CEMIP2: variants seen among roughly 807,000 people sequenced by gnomAD.
CEMIP2 encodes the protein cell surface hyaluronidase CEMIP2.
A neutral mutation model predicts 146.9 loss-of-function variants in CEMIP2; 79 were observed. That is an observed-to-expected ratio of 0.54 (90% confidence interval 0.45 to 0.65). CEMIP2 has a LOEUF of 0.65. Among genes scored for constraint, CEMIP2 ranks in the 30% least tolerant of loss-of-function variants. The pLI, the probability that CEMIP2 is intolerant of heterozygous loss-of-function variation, is 0.00. For synonymous variants in CEMIP2, 601 were observed against 606.3 expected (o/e 0.99, Z 0.13); for missense variants, 1,596 against 1,696.2 (o/e 0.94, Z 1.04).
intron 15 of CEMIP2, among the ~76,000 whole-genome samples, chr9:71,713,533 TA>T (rs760280601): frequency 1.3e-5 from 2 of 152,218 alleles, no homozygotes; most frequent in Non-Finnish European, 2.9e-5. Context: ...CTGTTTCCAT[TA>T]AATAATGAGA....
chr9:71,728,409 G>A (rs1306445575), intron 10 of CEMIP2, among the ~76,000 whole-genome samples: 1 of 146,296 alleles, frequency 6.8e-6, no homozygotes, highest in East Asian at 2.0e-4. Context: ...TTGAGCCCAG[G>A]AGGCAGAGGG....
intron 22 of CEMIP2, among the ~76,000 whole-genome samples, chr9:71,689,686 T>C (rs1822170241): frequency 6.6e-6 from 1 of 152,106 alleles, no homozygotes; most frequent in South Asian, 2.1e-4. Context: ...GAAAATCACT[T>C]CAAAATAGTA....
intron 17 of CEMIP2, among the ~76,000 whole-genome samples, chr9:71,706,975 C>G (rs1170637633): frequency 1.3e-5 from 2 of 152,036 alleles, no homozygotes; most frequent in African/African-American, 2.4e-5. Flanking sequence ...ATTACACGTG[C>G]CCACCACCAC....
chr9:71,744,745 C>T (rs1305080877), intron 4 of CEMIP2, among the ~76,000 whole-genome samples: 1 of 151,944 alleles, frequency 6.6e-6, no homozygotes, highest in Non-Finnish European at 1.5e-5. Context: ...AACTGCCTGA[C>T]TGTTTTTCAG....
chr9:71,712,033 C>T (rs1442071335), intron 16 of CEMIP2, 50 bp downstream of exon 16: 2 of 1,585,382 alleles, frequency 1.3e-6, no homozygotes, highest in Non-Finnish European at 1.7e-6. Context: ...ATGTGCTATC[C>T]CTCCTTTTTT....
At chr9:71,747,686 G>C (rs1254955378) in intron 2 of CEMIP2, among the ~76,000 whole-genome samples, 3 of 151,932 alleles carry the variant, frequency 2.0e-5, no homozygotes, top group Admixed American at 2.0e-4. Context: ...GAGAGGTAGG[G>C]TGCTACACAA....
chr9:71,760,214 C>T (rs1387166148), intron 1 of CEMIP2, among the ~76,000 whole-genome samples: 2 of 152,064 alleles, frequency 1.3e-5, no homozygotes, highest in African/African-American at 2.4e-5. Flanking sequence ...TTTGCTTAAC[C>T]TGATAATAAC....
rs760331860 is a variant in CEMIP2 at position 71,745,021 on chromosome 9, T to C, written c.1031A>G (p.Tyr344Cys). ...LGSELIQGLGYRQAWALVGVI... is the reference protein window; with the variant it reads ...LGSELIQGLGCRQAWALVGVI... The stretch of plus-strand genomic sequence containing the variant: ...TCTGGGAAGAAGGTATGCCTACCTG[T>C]AGCCCAGTCCTTGGATCAGTTCACT... The change falls in exon 4 of 24, where the codon TAC becomes TGC. Residue 344 changes from tyrosine to cysteine, a missense_variant. Coordinates refer to ENST00000377044, the MANE Select transcript of CEMIP2 (RefSeq NM_013390.3). 1.2e-6 allele frequency: 2 copies of C among 1,613,102 alleles called. No individual in the cohort carries two copies. Among genetic ancestry groups the C allele is most frequent in the East Asian group, 4.5e-5 (2 of 44,874 alleles).
At position 71,731,147 on chromosome 9, in the gene CEMIP2, A is replaced by G. The variant is rs147380124; in HGVS notation, c.1564-233T>C. On this transcript the variant is annotated intron_variant, in intron 7 of 23. Transcript: ENST00000377044. ...TCCAATTAGGAATAAAGGCAAATGT[A>G]ATCAGGAAAGCTGCAATAATGATCT... 1.4e-3 allele frequency among the ~76,000 whole-genome samples: 209 copies of G among 152,348 alleles called. 1 individual carries two copies. Among genetic ancestry groups the G allele is most frequent in the African/African-American group, 4.7e-3 (194 of 41,576 alleles).
intron 21 of CEMIP2, among the ~76,000 whole-genome samples, chr9:71,691,776 A>T (rs1020208205): frequency 6.6e-6 from 1 of 151,986 alleles, no homozygotes; most frequent in Non-Finnish European, 1.5e-5. Flanking sequence ...TTCAAGGTCA[A>T]CCTGGGCAAC....
chr9:71,728,535 T>TA (rs1823516762), intron 10 of CEMIP2, among the ~76,000 whole-genome samples: 1 of 151,036 alleles, frequency 6.6e-6, no homozygotes, highest in Admixed American at 6.6e-5. Context: ...TTAGTAACAC[T>TA]AAAATTCTCA....
intron 7 of CEMIP2, 133 bp downstream of exon 7, chr9:71,732,218 C>G: frequency 1.1e-6 from 1 of 915,222 alleles, no homozygotes. Context: ...AAAACCTCCT[C>G]ATTGTCATTT....
chr9:71,704,435 T>C (rs1420678913), intron 18 of CEMIP2, 160 bp downstream of exon 18: 7 of 700,302 alleles, frequency 1.0e-5, no homozygotes, highest in African/African-American at 1.8e-5. Flanking sequence ...GTATAATCTC[T>C]TTAATTCCAT....
rs184929216 is a variant in CEMIP2, at chr9:71,697,778, G to A, written c.3597+207C>T. 5.6e-4 allele frequency: 304 copies of A among 538,970 alleles called. 1 individual carries two copies. The highest frequency in any genetic ancestry group is 9.8e-4 in the Middle Eastern group (2 of 2,042). 33.4% of individuals were successfully genotyped at this position (538,970 alleles called of 1,614,324 possible). The stretch of plus-strand genomic sequence containing the variant: ...CTGCAGTTGTTCAAGGTAAACTGAC[G>A]TATCACAGGGGCAAGTATCTCTGTC... On this transcript the variant is annotated intron_variant, in intron 20 of 23. Transcript: ENST00000377044.
chr9:71,694,407 G>A, intron 21 of CEMIP2, 102 bp downstream of exon 21: 1 of 871,864 alleles, frequency 1.1e-6, no homozygotes. Flanking sequence ...ACAGGTGTGA[G>A]CCACCGCACC....
At chr9:71,741,227 G>C (rs1041703720) in intron 4 of CEMIP2, among the ~76,000 whole-genome samples, 3 of 106,918 alleles carry the variant, frequency 2.8e-5, no homozygotes, top group South Asian at 5.6e-4. Context: ...ATGGAGTTTC[G>C]CTCTTGTTAC....
At chr9:71,704,524 A>T (rs1393326164) in intron 18 of CEMIP2, 71 bp downstream of exon 18, 1 of 1,552,456 alleles carries the variant, frequency 6.4e-7, no homozygotes, top group Non-Finnish European at 8.9e-7. Flanking sequence ...CAAAGGAGAC[A>T]TAAGTTATTC....
Position 71,709,463 on chromosome 9 carries a change from A to G in CEMIP2, c.2781T>C (p.Asn927=). The stretch of plus-strand genomic sequence containing the variant: ...AGGGACCAGGCTTTCCAAAAAAGAC[A>G]TTCAGAGAGACCTGACCACAGTGAA... ...LVKFGPHVSL[N]VFFGKPGPWF... Residue 927 remains asparagine (N), a synonymous_variant, in exon 17 of 24, where the codon AAT becomes AAC. Coordinates refer to ENST00000377044, the MANE Select transcript of CEMIP2 (RefSeq NM_013390.3). 1 of 1,614,182 alleles carries G rather than the reference A, an allele frequency of 6.2e-7. No homozygotes were observed. Among genetic ancestry groups the G allele is most frequent in the East Asian group, 2.2e-5 (1 of 44,882 alleles).
intron 17 of CEMIP2, among the ~76,000 whole-genome samples, chr9:71,705,461 T>C (rs1822706054): frequency 6.6e-6 from 1 of 152,104 alleles, no homozygotes. Context: ...ACAAATCTCC[T>C]AAAACAAATC....
Sources: gnomAD v4.1 joint callset for allele counts (sites outside exome capture counted in the v4.1 genomes callset) on GRCh38, gnomAD v4.1.1 for gene constraint, MANE v1.5 for transcripts, NCBI Gene and HGNC (gene_info 2026-07-23, HGNC 2026-07-21) for gene names.